The following ZC2HC1B variants were observed in gnomAD, a reference collection of about 807,000 sequenced individuals.
ZC2HC1B encodes the protein zinc finger C2HC-type containing 1B.
Under a neutral mutation model 31.0 loss-of-function variants are expected in ZC2HC1B, and 36 were observed. That is an observed-to-expected ratio of 1.16 (90% CI 0.89 to 1.54). The LOEUF is 1.54. Among genes scored for constraint, ZC2HC1B ranks in the 40% most tolerant of loss-of-function variants. The pLI is 0.00. For missense variants in ZC2HC1B, 260 were observed against 268.6 expected, an observed-to-expected ratio of 0.97 and a Z score of 0.22; for synonymous variants, 73 against 88.0, an observed-to-expected ratio of 0.83 and a Z score of 0.95.
rs569734612 is a variant in ZC2HC1B at position 143,914,428 on chromosome 6, GAAGAC to G, written c.598+11278_598+11282del. Among the ~76,000 whole-genome samples the G allele has an allele frequency of 3.3e-5, 5 of 152,294 alleles. No individual in the cohort carries two copies. In the East Asian group the frequency reaches 9.6e-4, roughly 29 times the overall value. ...TCTGCTTTATCTCACCGTGGTTGGA[GAAGAC>G]ACTTCATATGATATATGTCTTTTTA... On this transcript the variant is annotated intron_variant, in intron 6 of 7. Coordinates refer to ENST00000237275, the MANE Select transcript of ZC2HC1B (RefSeq NM_001013623.3).
At chr6:143,878,904 C>T (rs941831150) in intron 1 of ZC2HC1B, among the ~76,000 whole-genome samples, 4 of 152,130 alleles carry the variant, frequency 2.6e-5, no homozygotes, top group African/African-American at 9.7e-5. Context: ...TTCAGACATG[C>T]CTTATATTGA....
intron 1 of ZC2HC1B, among the ~76,000 whole-genome samples, chr6:143,874,536 A>G (rs1777384157): frequency 6.6e-6 from 1 of 152,240 alleles, no homozygotes; most frequent in South Asian, 2.1e-4. Context: ...TTGGACTTAC[A>G]GTACCACATG....
intron 6 of ZC2HC1B, among the ~76,000 whole-genome samples, chr6:143,932,108 C>T (rs1218162978): frequency 2.0e-5 from 3 of 152,106 alleles, no homozygotes; most frequent in Non-Finnish European, 1.5e-5. Flanking sequence ...CTCCTGACCT[C>T]AGGTGATCCT....
intron 5 of ZC2HC1B, among the ~76,000 whole-genome samples, chr6:143,902,407 G>T (rs1402448169): frequency 1.3e-5 from 2 of 152,100 alleles, no homozygotes; most frequent in African/African-American, 4.8e-5. Context: ...GCCTCCTATA[G>T]TCTCTCAGCC....
At position 143,934,955 on chromosome 6, in the gene ZC2HC1B, G is replaced by A. The variant is rs1044886548; in HGVS notation, c.599-2694G>A. Among the ~76,000 whole-genome samples, 2 of 152,184 alleles carry A rather than the reference G, an allele frequency of 1.3e-5. No homozygotes were observed. Among genetic ancestry groups the A allele is most frequent in the Non-Finnish European group, 1.5e-5 (1 of 68,032 alleles). On this transcript the variant is annotated intron_variant, in intron 6 of 7. Coordinates refer to ENST00000237275, the MANE Select transcript of ZC2HC1B (RefSeq NM_001013623.3). This position sits in a 1 kb window ranked among gnomAD's most constrained non-coding sequence, Gnocchi z 4.6. ...GGCTTGCTCAGGTGCCAGCAGTGGC[G>A]ATGGTGGGTGGCTCTTCAGGTTCCT...
At position 143,865,591 on chromosome 6, in the gene ZC2HC1B, T is replaced by C. The variant is rs955270078; in HGVS notation, c.28+1024T>C. The stretch of plus-strand genomic sequence containing the variant: ...CAGTCTCCTCTCGCAGGACAAACCC[T>C]GAAGGCACAGTGTTTTATTTATTGC... On this transcript the variant is annotated intron_variant, in intron 1 of 7. Transcript: ENST00000237275. This position sits in a 1 kb window ranked among gnomAD's most constrained non-coding sequence, Gnocchi z 4.4. Among the ~76,000 whole-genome samples the C allele has an allele frequency of 1.3e-5, 2 of 152,232 alleles. No individual in the cohort carries two copies. Among genetic ancestry groups the C allele is most frequent in the Non-Finnish European group, 2.9e-5 (2 of 68,042 alleles).
chr6:143,887,574 A>G lies in ZC2HC1B; in HGVS notation c.349+753A>G, dbSNP rs889416543. Among the ~76,000 whole-genome samples the G allele has an allele frequency of 4.6e-5, 7 of 152,264 alleles. No homozygotes were observed. Among genetic ancestry groups the G allele is most frequent in the Admixed American group, 3.3e-4 (5 of 15,292 alleles). ...ATGTTCAGCCACAACCCAGGATCCA[A>G]TCACAGTTTACATATTACCTTTTGT... On this transcript the variant is annotated intron_variant, in intron 4 of 7. Transcript: ENST00000237275. This position sits in a 1 kb window ranked among gnomAD's most constrained non-coding sequence, Gnocchi z 5.1.
chr6:143,920,684 G>A (rs141627457), intron 6 of ZC2HC1B, among the ~76,000 whole-genome samples: 346 of 152,180 alleles, frequency 2.3e-3, no homozygotes, highest in African/African-American at 8.0e-3. Context: ...GCCTAGGCAG[G>A]CAGATCACAA....
intron 1 of ZC2HC1B, among the ~76,000 whole-genome samples, chr6:143,877,567 G>A (rs1777423763): frequency 6.7e-6 from 1 of 150,172 alleles, no homozygotes; most frequent in African/African-American, 2.5e-5. Context: ...ACAGGCGTGA[G>A]CCACTGTGCC....
intron 5 of ZC2HC1B, among the ~76,000 whole-genome samples, chr6:143,901,432 G>T (rs1275255283): frequency 1.3e-5 from 2 of 150,876 alleles, no homozygotes; most frequent in Non-Finnish European, 3.0e-5. Context: ...GCTACCTTTT[G>T]TATTTTTAGT....
At chr6:143,898,852 G>A (rs557792275) in intron 5 of ZC2HC1B, among the ~76,000 whole-genome samples, 161 bp downstream of exon 5, 3 of 152,304 alleles carry the variant, frequency 2.0e-5, no homozygotes, top group South Asian at 2.1e-4. Flanking sequence ...TTCTTTTGCA[G>A]GAGAATGCTT....
intron 6 of ZC2HC1B, among the ~76,000 whole-genome samples, chr6:143,930,943 G>A (rs971173602): frequency 6.6e-6 from 1 of 152,156 alleles, no homozygotes; most frequent in African/African-American, 2.4e-5. Flanking sequence ...CTGTCTTGAT[G>A]ATCTGTTTGG....
chr6:143,900,354 C>A (rs1436077382), intron 5 of ZC2HC1B, among the ~76,000 whole-genome samples: 1 of 146,984 alleles, frequency 6.8e-6, no homozygotes, highest in Non-Finnish European at 1.5e-5. Context: ...CATGCCATTG[C>A]ACTCCAGCCT....
intron 4 of ZC2HC1B, 69 bp from the exon 5 acceptor site, chr6:143,898,483 A>G (rs1777695573): frequency 8.0e-6 from 12 of 1,502,450 alleles, no homozygotes; most frequent in Admixed American, 2.0e-5. Context: ...AGTTCATTCT[A>G]TAATTCTATA....
chr6:143,878,838 T>A (rs537251458), intron 1 of ZC2HC1B, among the ~76,000 whole-genome samples: 1 of 152,334 alleles, frequency 6.6e-6, no homozygotes, highest in Admixed American at 6.5e-5. Context: ...ATAATGAGAA[T>A]TGACTGTATG....
In ZC2HC1B at chr6:143,905,142, C is replaced by T. The variant is rs1777778894; in HGVS notation, c.598+1990C>T. 6.6e-6 allele frequency among the ~76,000 whole-genome samples: 1 copy of T among 152,142 alleles called. No homozygotes were observed. The highest frequency in any genetic ancestry group is 2.4e-5 in the African/African-American group (1 of 41,446). ...TTTAACCGTGATTGCACTGAATCTG[C>T]AGATTGCTTTGGTTAGTATGGACAT... is the stretch of plus-strand genomic sequence containing the variant. On this transcript the variant is annotated intron_variant, in intron 6 of 7. Transcript: ENST00000237275. This position sits in a 1 kb window ranked among gnomAD's most constrained non-coding sequence, Gnocchi z 4.2.
rs995233871 is a variant in ZC2HC1B at position 143,886,926 on chromosome 6, A to T, written c.349+105A>T. 1.9e-6 allele frequency: 2 copies of T among 1,065,530 alleles called. No individual in the cohort carries two copies. The highest frequency in any genetic ancestry group is 4.1e-5 in the Admixed American group (1 of 24,374). 66.0% of individuals were successfully genotyped at this position (1,065,530 alleles called of 1,614,324 possible). ...TTGACAATAACAATTACATAGAAGT[A>T]ATTTTATTAATTATATAAAAGTAAA... On this transcript the variant is annotated intron_variant, in intron 4 of 7. Coordinates refer to ENST00000237275, the MANE Select transcript of ZC2HC1B (RefSeq NM_001013623.3). This position sits in a 1 kb window ranked among gnomAD's most constrained non-coding sequence, Gnocchi z 4.2.
intron 4 of ZC2HC1B, among the ~76,000 whole-genome samples, chr6:143,896,047 A>G (rs1355468869): frequency 6.6e-6 from 1 of 152,194 alleles, no homozygotes; most frequent in African/African-American, 2.4e-5. Flanking sequence ...ATAAATAGAA[A>G]TCAGCAACCT....
At position 143,937,835 on chromosome 6, in the gene ZC2HC1B, A is replaced by T. The variant is rs971137070; in HGVS notation, c.*14+102A>T. ...GCAAACTGAAGAGACATCTGGACAA[A>T]CTCCAAGTTGGGTTAACAAAATGTA... On this transcript the variant is annotated intron_variant, in intron 7 of 7. Transcript: ENST00000237275. The T allele has an allele frequency of 1.9e-5, 15 of 809,074 alleles. No homozygotes were observed. The African/African-American group carries it at 2.6e-4, about 14-fold the overall frequency. The allele number at this position is 809,074 out of a possible 1,614,324, so 50.1% of individuals were successfully genotyped here.
Sources: allele counts gnomAD v4.1 joint callset (sites outside exome capture counted in the v4.1 genomes callset), GRCh38; gene constraint gnomAD v4.1.1; non-coding constraint Gnocchi (gnomAD v3.1); transcripts MANE v1.5; gene names NCBI Gene and HGNC (gene_info 2026-07-23, HGNC 2026-07-21).